Variants in UCHL3 observed in about 807,000 individuals in gnomAD.
UCHL3 encodes the protein ubiquitin carboxyl-terminal hydrolase isozyme L3.
A neutral mutation model predicts 35.8 loss-of-function variants in UCHL3; 22 were observed. The ratio of observed to expected loss-of-function variants is 0.61; its 90% CI spans 0.44 to 0.88. UCHL3 has a LOEUF of 0.88. Ranked by LOEUF, UCHL3 falls within the 40% of genes least tolerant of loss-of-function variation. UCHL3 has a pLI of 0.00. For synonymous variants in UCHL3, 90 were observed against 92.8 expected (o/e 0.97, Z 0.17); for missense variants, 229 against 276.9 (o/e 0.83, Z 1.23).
intron 3 of UCHL3, among the ~76,000 whole-genome samples, chr13:75,561,641 T>C (rs2031498570): frequency 6.6e-6 from 1 of 151,956 alleles, no homozygotes; most frequent in African/African-American, 2.4e-5. Flanking sequence ...TGAATGGGAA[T>C]CACTAAGCTT....
chr13:75,574,858 G>A lies in UCHL3; in HGVS notation c.474+5351G>A, dbSNP rs181122557. On this transcript the variant is annotated intron_variant, in intron 6 of 8. Transcript: ENST00000377595. ...TAAGGTGAGTTTTTTTGGGTCATAT[G>A]TGTAGGAGTCTAGAGCTCAGGCGAG... 1.6e-3 allele frequency among the ~76,000 whole-genome samples: 240 copies of A among 152,298 alleles called. 1 individual carries two copies. Among genetic ancestry groups the A allele is most frequent in the African/African-American group, 5.5e-3 (228 of 41,564 alleles).
At chr13:75,580,985 C>T (rs1374724510) in intron 6 of UCHL3, among the ~76,000 whole-genome samples, 1 of 152,170 alleles carries the variant, frequency 6.6e-6, no homozygotes, top group Non-Finnish European at 1.5e-5. Flanking sequence ...AATAGTCATT[C>T]AGAGTTGTGC....
intron 6 of UCHL3, among the ~76,000 whole-genome samples, chr13:75,575,396 G>A (rs1197996269): frequency 1.3e-5 from 2 of 152,198 alleles, no homozygotes; most frequent in African/African-American, 4.8e-5. Context: ...AAACAATGAG[G>A]AAATTAAATT....
At chr13:75,549,608 C>T, upstream of UCHL3, 1 of 475,926 alleles carries the variant, frequency 2.1e-6, no homozygotes, top group Non-Finnish European at 3.6e-6. Context: ...TTTTTCTCCT[C>T]GGCAGCATCT....
intron 6 of UCHL3, among the ~76,000 whole-genome samples, chr13:75,593,217 A>T (rs1310095206): frequency 6.6e-6 from 1 of 152,192 alleles, no homozygotes; most frequent in Non-Finnish European, 1.5e-5. Flanking sequence ...GTGAATGAAT[A>T]ATTCATTATA....
intron 2 of UCHL3, among the ~76,000 whole-genome samples, chr13:75,552,625 A>G (rs1366322068): frequency 6.6e-6 from 1 of 152,240 alleles, no homozygotes; most frequent in East Asian, 1.9e-4. Flanking sequence ...ATACTGTGTT[A>G]TGCTACAGGT....
chr13:75,588,503 TC>T (rs2032390243), intron 6 of UCHL3, among the ~76,000 whole-genome samples: 1 of 152,182 alleles, frequency 6.6e-6, no homozygotes, highest in South Asian at 2.1e-4. Flanking sequence ...ACACTTTTGT[TC>T]CCATATAGAA....
intron 5 of UCHL3, among the ~76,000 whole-genome samples, chr13:75,567,906 AAAAT>A (rs2031735644): frequency 6.6e-6 from 1 of 152,138 alleles, no homozygotes; most frequent in Admixed American, 6.5e-5. Context: ...TTCCCTCCCT[AAAAT>A]AAATAAATAT....
At chr13:75,589,891 C>A in intron 6 of UCHL3, 3 of 1,253,526 alleles carry the variant, frequency 2.4e-6, no homozygotes, top group Non-Finnish European at 2.1e-6. Flanking sequence ...TAAATGATCA[C>A]CCAGTAACGT....
rs201540176 is a variant in UCHL3 at position 75,569,440 on chromosome 13, T to C, written c.427-20T>C. The C allele has an allele frequency of 3.2e-5, 51 of 1,574,016 alleles. No individual in the cohort carries two copies. In the East Asian group the frequency reaches 1.0e-3, roughly 32 times the overall value. On this transcript the variant is annotated intron_variant, in intron 5 of 8. Transcript: ENST00000377595. ...GAGTATAGGCATTTTTTCCAATGAATACCTTTATTCTTATTACAGGCCATC... is the reference window on the plus strand; with the variant it reads ...GAGTATAGGCATTTTTTCCAATGAACACCTTTATTCTTATTACAGGCCATC...
In UCHL3 at chr13:75,560,809, G is replaced by T. The variant is rs745434848; in HGVS notation, c.111G>T (p.Met37Ile). 1 of 1,596,144 alleles carries T rather than the reference G, an allele frequency of 6.3e-7. No individual in the cohort carries two copies. Among genetic ancestry groups the T allele is most frequent in the Non-Finnish European group, 8.5e-7 (1 of 1,174,112 alleles). The change falls in exon 3 of 9, where the codon ATG (methionine) becomes ATT (isoleucine). Residue 37 changes from methionine (M) to isoleucine (I), a missense_variant. Transcript: ENST00000377595. ...PNWQFVDVYGMDPELLSMVPR... is the reference protein window; with the variant it reads ...PNWQFVDVYGIDPELLSMVPR... ...GGCAATTCGTTGATGTATATGGAAT[G>T]GATCCTGAACTCCTTAGCATGGTAC...
intron 6 of UCHL3, among the ~76,000 whole-genome samples, chr13:75,581,960 T>C (rs1190623981): frequency 6.6e-6 from 1 of 152,122 alleles, no homozygotes; most frequent in African/African-American, 2.4e-5. Flanking sequence ...GAAATAGTAA[T>C]AGATGTGCCC....
At chr13:75,592,316 C>A (rs1364491586) in intron 6 of UCHL3, among the ~76,000 whole-genome samples, 1 of 148,600 alleles carries the variant, frequency 6.7e-6, no homozygotes, top group African/African-American at 2.5e-5. Context: ...TAGAGACATA[C>A]AAGAATAGTC....
intron 2 of UCHL3, among the ~76,000 whole-genome samples, chr13:75,554,734 A>G (rs966918078): frequency 6.6e-6 from 1 of 151,572 alleles, no homozygotes; most frequent in Non-Finnish European, 1.5e-5. Flanking sequence ...GCTTGTCCTT[A>G]GAAGATACTT....
chr13:75,587,600 A>G (rs1033634206), intron 6 of UCHL3, among the ~76,000 whole-genome samples: 2 of 152,214 alleles, frequency 1.3e-5, no homozygotes. Context: ...GGAAAAGAGT[A>G]TAAGTGCAGA....
chr13:75,557,163 T>C (rs2031320104), intron 2 of UCHL3, among the ~76,000 whole-genome samples: 1 of 151,854 alleles, frequency 6.6e-6, no homozygotes, highest in Non-Finnish European at 1.5e-5. Flanking sequence ...TGCAGTGAGC[T>C]GTGATTGTTG....
intron 2 of UCHL3, among the ~76,000 whole-genome samples, chr13:75,554,173 A>C (rs9573584): frequency 0.57 from 87,145 of 151,914 alleles, 26,737 homozygotes; most frequent in Non-Finnish European, 0.68. Flanking sequence ...AGCACTCCTC[A>C]CACCTCAGCC....
chr13:75,603,687 A>C (rs1190998707), intron 7 of UCHL3, among the ~76,000 whole-genome samples: 1 of 143,330 alleles, frequency 7.0e-6, no homozygotes, highest in African/African-American at 2.5e-5. Flanking sequence ...TATTTTAAGA[A>C]GACATTTTAT....
chr13:75,605,967 C>A lies in UCHL3; in HGVS notation c.*155C>A. ...TAACCTGTGTTTTATGTTATTTTTG[C>A]TCCAGGTTAAAGGTGCAATGCTTTC... On this transcript the variant is annotated 3_prime_UTR_variant, in exon 9 of 9. Coordinates refer to ENST00000377595, the MANE Select transcript of UCHL3 (RefSeq NM_006002.5). 1 of 659,662 alleles carries A rather than the reference C, an allele frequency of 1.5e-6. No homozygotes were observed. Among genetic ancestry groups the A allele is most frequent in the Non-Finnish European group, 2.5e-6 (1 of 397,548 alleles). The allele number at this position is 659,662 out of a possible 1,614,324, so 40.9% of individuals were successfully genotyped here.
Sources: gnomAD v4.1 joint callset for allele counts (sites outside exome capture counted in the v4.1 genomes callset) on GRCh38, gnomAD v4.1.1 for gene constraint, MANE v1.5 for transcripts, NCBI Gene and HGNC (gene_info 2026-07-23, HGNC 2026-07-21) for gene names.